The following CTSB variants were observed in gnomAD, a reference collection of about 807,000 sequenced individuals.
The protein encoded by CTSB is cathepsin B.
A neutral mutation model predicts 44.3 loss-of-function variants in CTSB; 57 were observed. The observed-to-expected ratio is 1.29, with a 90% confidence interval of 1.04 to 1.60. CTSB has a LOEUF of 1.60. CTSB is among the 40% of genes most tolerant of loss of function. CTSB has a pLI of 0.00. For missense variants in CTSB, 768 were observed against 443.0 expected (o/e 1.73, Z -6.59); for synonymous variants, 320 against 168.0 (o/e 1.91, Z -7.00).
chr8:11,855,894 T>C (rs1397053927), intron 1 of CTSB, among the ~76,000 whole-genome samples: 1 of 152,106 alleles, frequency 6.6e-6, no homozygotes, highest in Non-Finnish European at 1.5e-5. Context: ...GGCAGGTGCC[T>C]GTAATCGCAG....
intron 5 of CTSB, 174 bp from the exon 6 acceptor site, chr8:11,848,326 A>C: frequency 1.4e-6 from 1 of 696,250 alleles, no homozygotes; most frequent in Non-Finnish European, 2.6e-6. Context: ...CTAGATAAGC[A>C]CAGCTTGCAG....
At chr8:11,853,284 C>A (rs1005550718) in intron 2 of CTSB, 45 bp downstream of exon 2, 1 of 1,605,848 alleles carries the variant, frequency 6.2e-7, no homozygotes, top group African/African-American at 1.3e-5. Flanking sequence ...TGTGCACAGA[C>A]CGACCTGGGA....
intron 1 of CTSB, among the ~76,000 whole-genome samples, chr8:11,862,897 G>A (rs1816635473): frequency 6.6e-6 from 1 of 152,218 alleles, no homozygotes; most frequent in African/African-American, 2.4e-5. Context: ...CTCCATGCAT[G>A]CTTGCTGGTG....
At chr8:11,845,987 A>C (rs1304173217) in intron 8 of CTSB, among the ~76,000 whole-genome samples, 198 bp from the exon 9 acceptor site, 1 of 152,222 alleles carries the variant, frequency 6.6e-6, no homozygotes, top group Non-Finnish European at 1.5e-5. Flanking sequence ...ACACACTCAA[A>C]GTTGTTGAGT....
At chr8:11,846,923 A>G in intron 8 of CTSB, 129 bp downstream of exon 8, 1 of 686,036 alleles carries the variant, frequency 1.5e-6, no homozygotes, top group East Asian at 2.5e-5. Context: ...GGAAGGCCCC[A>G]CACAGCCCTC....
At chr8:11,847,871 A>AAGACCCAGCTGGGCGAGGC (rs1554542797) in intron 6 of CTSB, 49 bp from the exon 7 acceptor site, 159 of 1,555,118 alleles carry the variant, frequency 1.0e-4, no homozygotes, top group Non-Finnish European at 1.3e-4. Context: ...CCCCACGGAG[A>AAGACCCAGCTGGGCGAGGC]AGACCTGGGG....
At chr8:11,866,654 G>A (rs1244011535) in intron 1 of CTSB, among the ~76,000 whole-genome samples, 1 of 152,306 alleles carries the variant, frequency 6.6e-6, no homozygotes, top group Non-Finnish European at 1.5e-5. Context: ...GAGGTCAGGA[G>A]GTCAAGATCT....
chr8:11,847,887 C>T (rs1423989177), intron 6 of CTSB, 65 bp from the exon 7 acceptor site: 9 of 1,424,254 alleles, frequency 6.3e-6, no homozygotes, highest in Non-Finnish European at 8.3e-6. Flanking sequence ...TGGGGCAAGG[C>T]AAGCCTCGTG....
chr8:11,866,915 C>T (rs932066458), intron 1 of CTSB, among the ~76,000 whole-genome samples: 2 of 152,186 alleles, frequency 1.3e-5, no homozygotes, highest in Non-Finnish European at 2.9e-5. Flanking sequence ...GAGTGCATCT[C>T]AGCTATCCTC....
intron 1 of CTSB, among the ~76,000 whole-genome samples, chr8:11,861,057 G>A (rs1816333471): frequency 6.6e-6 from 1 of 152,210 alleles, no homozygotes; most frequent in African/African-American, 2.4e-5. Context: ...CCTCTGATGT[G>A]TTACGTCTTT....
In CTSB at chr8:11,849,115, T is replaced by G. The variant is rs747940488; in HGVS notation, c.377A>C (p.Asn126Thr). 6.2e-7 allele frequency: 1 copy of G among 1,613,358 alleles called. No homozygotes were observed. The highest frequency in any genetic ancestry group is 8.5e-7 in the Non-Finnish European group (1 of 1,179,818). ...CGACACCTCCACGCTGACGTGCGCA[T>G]TGGTGTGGATGCAGATCCGGTCAGA... Reference protein sequence around the residue: ...AISDRICIHTNAHVSVEVSAE... With the variant: ...AISDRICIHTTAHVSVEVSAE... Residue 126 changes from asparagine (N) to threonine (T), a missense_variant, in exon 5 of 10, where the codon AAT (asparagine) becomes ACT (threonine). Physicochemically the swap from Asn to Thr is moderately conservative, Grantham distance 65 (BLOSUM62 0). Coordinates refer to ENST00000353047, the MANE Select transcript of CTSB (RefSeq NM_001908.5).
chr8:11,867,260 G>A (rs1425560610), intron 1 of CTSB: 1 of 152,130 alleles, frequency 6.6e-6, no homozygotes. Context: ...TAACCGAGGG[G>A]GAGGTGGCGC....
chr8:11,858,445 C>T (rs1025517129), intron 1 of CTSB, among the ~76,000 whole-genome samples: 1 of 152,116 alleles, frequency 6.6e-6, no homozygotes, highest in East Asian at 1.9e-4. Flanking sequence ...CAGGCATACA[C>T]CACTACGCCC....
intron 8 of CTSB, 126 bp downstream of exon 8, chr8:11,846,926 C>T (rs1813475121): frequency 4.3e-6 from 3 of 690,476 alleles, no homozygotes; most frequent in African/African-American, 1.7e-5. Flanking sequence ...AGGCCCCACA[C>T]AGCCCTCTTC....
In CTSB at chr8:11,849,071, A is replaced by G; in HGVS notation, c.421T>C (p.Cys141Arg). Residue 141 changes from cysteine to arginine, a missense_variant, in exon 5 of 10, where the codon TGC (cysteine) becomes CGC (arginine). Physicochemically the swap from Cys to Arg is radical, Grantham distance 180. Coordinates refer to ENST00000353047, the MANE Select transcript of CTSB (RefSeq NM_001908.5). ...VEVSAEDLLT[C>R]CGSMCGDGCN... is the part of the protein sequence containing the mutation. ...CCGTCCCCACACATGCTGCCACAGC[A>G]TGTGAGCAGGTCCTCCGCCGACACC... 2 of 1,613,258 alleles carry G rather than the reference A, an allele frequency of 1.2e-6. No individual in the cohort carries two copies. The highest frequency in any genetic ancestry group is 1.7e-6 in the Non-Finnish European group (2 of 1,179,596).
At chr8:11,857,180 C>T (rs201567542) in intron 1 of CTSB, among the ~76,000 whole-genome samples, 48 of 152,228 alleles carry the variant, frequency 3.2e-4, no homozygotes, top group East Asian at 2.5e-3. Flanking sequence ...TGTGCTACCA[C>T]GTTTGGCTAA....
Position 11,850,941 on chromosome 8 carries a change from G to A in CTSB, c.252C>T (p.Phe84=), listed in dbSNP as rs4943. Residue 84 remains phenylalanine (F), a synonymous_variant, in exon 4 of 10, where the codon TTC becomes TTT. Coordinates refer to ENST00000353047, the MANE Select transcript of CTSB (RefSeq NM_001908.5). The part of the protein sequence containing the change: ...FTEDLKLPAS[F]DAREQWPQCP... ...ACTGTGGCCATTGTTCCCGTGCATC[G>A]AAGCTTGCAGGCAGCTTCAGGTCCT... The A allele has an allele frequency of 1.2e-5, 20 of 1,613,216 alleles. No homozygotes were observed. The highest frequency in any genetic ancestry group is 6.7e-5 in the Admixed American group (4 of 59,948).
At chr8:11,859,767 C>CAA (rs36047077) in intron 1 of CTSB, among the ~76,000 whole-genome samples, 10,563 of 38,840 alleles carry the variant, frequency 0.27, 2,168 homozygotes, top group East Asian at 0.44. Flanking sequence ...GACTCTGTCT[C>CAA]AAAAAAAAAA....
rs907312506 is a variant in CTSB, at chr8:11,843,815, G to T, written c.*1310C>A. On this transcript the variant is annotated 3_prime_UTR_variant, in exon 10 of 10. Coordinates refer to ENST00000353047, the MANE Select transcript of CTSB (RefSeq NM_001908.5). ...GGAGGCTGAGGCAGGCAGACCACCT[G>T]AGGCCGGGAGTTTGAAACTAGCCTG... 6.6e-6 allele frequency: 1 copy of T among 152,388 alleles called. No individual in the cohort carries two copies. The highest frequency in any genetic ancestry group is 2.1e-4 in the South Asian group (1 of 4,832). 9.4% of individuals were successfully genotyped at this position (152,388 alleles called of 1,614,324 possible). A position where few individuals can be genotyped will look rare whatever the true frequency, so the allele number is the denominator to read the frequency against.
Sources: gnomAD v4.1 joint callset for allele counts (sites outside exome capture counted in the v4.1 genomes callset) on GRCh38, gnomAD v4.1.1 for gene constraint, MANE v1.5 for transcripts, NCBI Gene and HGNC (gene_info 2026-07-23, HGNC 2026-07-21) for gene names.